The following SIPA1L1 variants were observed in gnomAD, a reference collection of about 807,000 sequenced individuals.
SIPA1L1 encodes signal-induced proliferation-associated 1-like protein 1.
In SIPA1L1, 26 loss-of-function variants were observed where a neutral mutation model predicts 162.7. That is an observed-to-expected ratio of 0.16 (90% CI 0.12 to 0.22). The LOEUF is 0.22. Among genes scored for constraint, SIPA1L1 ranks in the 10% least tolerant of loss-of-function variants. The pLI is 1.00. For missense variants in SIPA1L1, 1,874 were observed against 2,241.0 expected (o/e 0.84, Z 3.31); for synonymous variants, 829 against 837.4 (o/e 0.99, Z 0.17).
At chr14:71,709,131 A>T in intron 16 of SIPA1L1, 91 bp from the exon 17 acceptor site, 1 of 1,113,530 alleles carries the variant, frequency 9.0e-7, no homozygotes, top group Non-Finnish European at 1.3e-6. Context: ...TCAGAGCCCT[A>T]TAACTAGAAA....
At chr14:71,375,342 A>G (rs2039279448) in intron 2 of SIPA1L1, among the ~76,000 whole-genome samples, 1 of 152,158 alleles carries the variant, frequency 6.6e-6, no homozygotes, top group African/African-American at 2.4e-5. Context: ...ATATATACCA[A>G]TATCCATCTG....
intron 6 of SIPA1L1, among the ~76,000 whole-genome samples, chr14:71,621,103 T>C (rs546669344): frequency 3.3e-5 from 5 of 152,314 alleles, no homozygotes; most frequent in African/African-American, 1.2e-4. Context: ...GTCTTCACAA[T>C]ATGCCCAGAG....
chr14:71,661,314 T>G lies in SIPA1L1; in HGVS notation c.2102T>G (p.Leu701Arg). 6.2e-7 allele frequency: 1 copy of G among 1,612,398 alleles called. No homozygotes were observed. The highest frequency in any genetic ancestry group is 8.5e-7 in the Non-Finnish European group (1 of 1,179,152). The change falls in exon 10 of 24, where the codon CTG (leucine) becomes CGG (arginine). Residue 701 changes from leucine to arginine, a missense_variant. Leu to Arg is a moderately radical substitution (Grantham distance 102). Around this residue, in one of 5 missense-constraint regions of SIPA1L1, gnomAD observed 243 missense variants for 315.0 expected, o/e 0.77. Transcript: ENST00000381232. Reference protein sequence around the residue: ...PYTPNNKQQLLRKRHIGNDIV... With the variant: ...PYTPNNKQQLRRKRHIGNDIV... ...GTTGCTTATTTTTTCTTGTAGCTCCTGAGGAAGCGGCACATTGGAAATGAT... is the reference window on the plus strand; with the variant it reads ...GTTGCTTATTTTTTCTTGTAGCTCCGGAGGAAGCGGCACATTGGAAATGAT...
intron 4 of SIPA1L1, among the ~76,000 whole-genome samples, chr14:71,544,290 C>CAT (rs150008696): frequency 8.8e-4 from 93 of 105,972 alleles, no homozygotes; most frequent in African/African-American, 2.5e-3. Context: ...TGTGTATATA[C>CAT]ATATATATCA....
At chr14:71,376,112 A>C (rs2141094300) in intron 2 of SIPA1L1, among the ~76,000 whole-genome samples, 1 of 152,242 alleles carries the variant, frequency 6.6e-6, no homozygotes, top group South Asian at 2.1e-4. Flanking sequence ...GAATTGGTTT[A>C]ATCTTTTTCT....
chr14:71,502,906 T>C (rs1022025965), intron 2 of SIPA1L1, among the ~76,000 whole-genome samples: 42 of 152,312 alleles, frequency 2.8e-4, no homozygotes, highest in African/African-American at 9.6e-4. Context: ...GCATTCCTTA[T>C]ATTAAATAAT....
chr14:71,678,285 A>C (rs1204565481), intron 12 of SIPA1L1, among the ~76,000 whole-genome samples: 1 of 152,186 alleles, frequency 6.6e-6, no homozygotes, highest in African/African-American at 2.4e-5. Context: ...GTTTGTCATA[A>C]ATAGCTCTTA....
At chr14:71,354,609 C>G (rs987524922) in intron 2 of SIPA1L1, among the ~76,000 whole-genome samples, 2 of 151,488 alleles carry the variant, frequency 1.3e-5, no homozygotes. Context: ...AAAAAAAAGA[C>G]TGTGTGTGCC....
chr14:71,542,445 C>T (rs1297714907), intron 4 of SIPA1L1, among the ~76,000 whole-genome samples: 1 of 151,404 alleles, frequency 6.6e-6, no homozygotes, highest in Non-Finnish European at 1.5e-5. Flanking sequence ...GCTGCTTCTG[C>T]TTCTTCTTCC....
At chr14:71,463,557 G>A (rs2046768566) in intron 2 of SIPA1L1, among the ~76,000 whole-genome samples, 1 of 152,120 alleles carries the variant, frequency 6.6e-6, no homozygotes, top group African/African-American at 2.4e-5. Context: ...CTGGTAAAAG[G>A]CCAGAGGTCT....
At chr14:71,674,046 T>G (rs1460202690) in intron 12 of SIPA1L1, among the ~76,000 whole-genome samples, 2 of 152,270 alleles carry the variant, frequency 1.3e-5, no homozygotes, top group Non-Finnish European at 2.9e-5. Flanking sequence ...TCCTTCAAAT[T>G]GTCTACTTTA....
At chr14:71,475,661 T>C (rs2047789204) in intron 2 of SIPA1L1, among the ~76,000 whole-genome samples, 1 of 152,248 alleles carries the variant, frequency 6.6e-6, no homozygotes, top group Non-Finnish European at 1.5e-5. Context: ...ACAAAAATTC[T>C]GCTTTCAAAA....
At chr14:71,676,769 T>A (rs1226829541) in intron 12 of SIPA1L1, among the ~76,000 whole-genome samples, 1 of 151,980 alleles carries the variant, frequency 6.6e-6, no homozygotes, top group African/African-American at 2.4e-5. Context: ...GAATGATGGT[T>A]TCCAGCATCT....
intron 12 of SIPA1L1, among the ~76,000 whole-genome samples, chr14:71,683,343 A>C (rs1459419639): frequency 6.6e-6 from 1 of 152,190 alleles, no homozygotes; most frequent in Non-Finnish European, 1.5e-5. Context: ...AGGGGCATAG[A>C]TGGTGATGTT....
At chr14:71,679,130 A>AT (rs1318612564) in intron 12 of SIPA1L1, among the ~76,000 whole-genome samples, 8 of 152,256 alleles carry the variant, frequency 5.3e-5, no homozygotes, top group Non-Finnish European at 1.0e-4. Context: ...AAGACACATA[A>AT]TTGTCAGATT....
chr14:71,372,377 C>T (rs1174289182), intron 2 of SIPA1L1, among the ~76,000 whole-genome samples: 1 of 152,152 alleles, frequency 6.6e-6, no homozygotes, highest in Non-Finnish European at 1.5e-5. Flanking sequence ...TGAATAGACT[C>T]AGAAACAACA....
At chr14:71,505,785 C>T (rs534748583) in intron 2 of SIPA1L1, among the ~76,000 whole-genome samples, 1 of 152,088 alleles carries the variant, frequency 6.6e-6, no homozygotes, top group South Asian at 2.1e-4. Context: ...TGACAGTTTG[C>T]ACTTCATTGA....
chr14:71,450,063 T>C (rs1329539635), intron 2 of SIPA1L1, among the ~76,000 whole-genome samples: 3 of 152,130 alleles, frequency 2.0e-5, no homozygotes, highest in Non-Finnish European at 4.4e-5. Context: ...ACTTAAAAAA[T>C]AAAAATTATC....
intron 4 of SIPA1L1, among the ~76,000 whole-genome samples, chr14:71,558,417 A>C (rs987949465): frequency 5.3e-5 from 8 of 152,108 alleles, no homozygotes; most frequent in Admixed American, 5.2e-4. Context: ...TTTTTAGGAG[A>C]CAGTAGGAAA....
Sources: gnomAD v4.1 joint callset for allele counts (sites outside exome capture counted in the v4.1 genomes callset) on GRCh38, gnomAD v4.1.1 for gene constraint, gnomAD v4.1.1 regional missense constraint, MANE v1.5 for transcripts, NCBI Gene and HGNC (gene_info 2026-07-23, HGNC 2026-07-21) for gene names.